The following FRY variants were observed in gnomAD, a reference collection of about 807,000 sequenced individuals.
FRY encodes protein furry homolog.
Under a neutral mutation model 348.4 loss-of-function variants are expected in FRY, and 128 were observed. The ratio of observed to expected loss-of-function variants is 0.37; its 90% CI spans 0.32 to 0.43. The LOEUF (loss-of-function observed/expected upper bound fraction) is 0.43, where lower values mean the gene tolerates loss of function less well. Among genes scored for constraint, FRY ranks in the 20% least tolerant of loss-of-function variants. The pLI is 1.00. For synonymous variants in FRY, 1,370 were observed against 1,374.7 expected (o/e 1.00, Z 0.08); for missense variants, 2,736 against 3,695.2 (o/e 0.74, Z 6.73).
At chr13:32,267,612 A>G (rs1254496253) in intron 55 of FRY, among the ~76,000 whole-genome samples, 1 of 152,170 alleles carries the variant, frequency 6.6e-6, no homozygotes, top group African/African-American at 2.4e-5. Context: ...TGTTACTGAC[A>G]TCACCAGTCC....
intron 11 of FRY, among the ~76,000 whole-genome samples, chr13:32,145,769 C>T (rs1374475475): frequency 6.6e-6 from 1 of 151,688 alleles, no homozygotes; most frequent in Non-Finnish European, 1.5e-5. Flanking sequence ...TGGTCTCGAT[C>T]TCCTGACCTC....
chr13:32,149,547 AC>A (rs1021309187), intron 13 of FRY, among the ~76,000 whole-genome samples, 200 bp from the exon 14 acceptor site: 3 of 152,200 alleles, frequency 2.0e-5, no homozygotes, highest in South Asian at 4.2e-4. Context: ...CTCCTTGCAC[AC>A]CACACAAAAC....
intron 24 of FRY, 137 bp downstream of exon 24, chr13:32,183,171 T>A: frequency 1.7e-6 from 1 of 593,242 alleles, no homozygotes; most frequent in Non-Finnish European, 3.0e-6. Context: ...TTTTAACTTT[T>A]GTTGTTTTTA....
intron 58 of FRY, among the ~76,000 whole-genome samples, chr13:32,284,860 T>A (rs552358897): frequency 1.3e-5 from 2 of 152,212 alleles, no homozygotes; most frequent in Non-Finnish European, 2.9e-5. Flanking sequence ...TACTGACTGG[T>A]TATGTCATAA....
intron 39 of FRY, 152 bp from the exon 40 acceptor site, chr13:32,228,304 C>G (rs1885708692): frequency 2.7e-6 from 2 of 744,830 alleles, no homozygotes; most frequent in Non-Finnish European, 4.9e-6. Context: ...AACTGTCAGT[C>G]TCATTTAATC....
In FRY at chr13:32,208,967, G is replaced by A. The variant is rs1278410663; in HGVS notation, c.4133G>A (p.Gly1378Glu). The A allele has an allele frequency of 1.2e-6, 2 of 1,614,128 alleles. No individual in the cohort carries two copies. Among genetic ancestry groups the A allele is most frequent in the South Asian group, 1.1e-5 (1 of 91,076 alleles). The stretch of plus-strand genomic sequence containing the variant: ...GTGGACAGCAGGCTCCTCCTCCCGG[G>A]GTCGAGCCCCAGCAGCCCAGAGGAC... ...ELVDSRLLLP[G>E]SSPSSPEDEV... The change falls in exon 32 of 61, where the codon GGG becomes GAG. Residue 1378 changes from glycine (G) to glutamate (E), a missense_variant. By Grantham distance (98) the Gly-to-Glu change is moderately conservative. Transcript: ENST00000542859.
chr13:32,226,009 G>A, intron 39 of FRY, 35 bp downstream of exon 39: 3 of 1,592,650 alleles, frequency 1.9e-6, no homozygotes, highest in Non-Finnish European at 2.6e-6. Context: ...GCCTAGGACA[G>A]TTACAAATGC....
At chr13:32,090,603 A>T (rs1327712764) in intron 2 of FRY, among the ~76,000 whole-genome samples, 1 of 152,162 alleles carries the variant, frequency 6.6e-6, no homozygotes, top group Non-Finnish European at 1.5e-5. Context: ...GCACAGTTAG[A>T]GGGGTATATT....
At chr13:32,242,766 C>T (rs1474957749) in intron 46 of FRY, among the ~76,000 whole-genome samples, 3 of 152,138 alleles carry the variant, frequency 2.0e-5, no homozygotes, top group Non-Finnish European at 4.4e-5. Context: ...TACTCCTGAC[C>T]TCAGGTGATC....
intron 1 of FRY, among the ~76,000 whole-genome samples, chr13:32,045,016 T>C (rs557254955): frequency 3.3e-5 from 5 of 152,310 alleles, no homozygotes; most frequent in South Asian, 2.1e-4. Flanking sequence ...GTGACTGTTA[T>C]TTGTACATTA....
At chr13:32,184,818 A>G in intron 25 of FRY, 127 bp downstream of exon 25, 1 of 997,110 alleles carries the variant, frequency 1.0e-6, no homozygotes, top group Non-Finnish European at 1.6e-6. Flanking sequence ...AAAATCCAAA[A>G]ACTCGCTTTT....
chr13:32,254,512 A>C (rs908316416), intron 51 of FRY, 118 bp downstream of exon 51: 10 of 1,060,290 alleles, frequency 9.4e-6, no homozygotes, highest in Non-Finnish European at 1.4e-5. Context: ...GGAAAGTTGT[A>C]AACTTTATTT....
intron 55 of FRY, among the ~76,000 whole-genome samples, chr13:32,271,128 G>A (rs1385892595): frequency 6.6e-6 from 1 of 152,170 alleles, no homozygotes; most frequent in Admixed American, 6.5e-5. Flanking sequence ...CAACCCACCA[G>A]TTGAGATGCT....
rs1337089064 is a variant in FRY at position 32,034,582 on chromosome 13, C to A, written c.70+2717C>A. Among the ~76,000 whole-genome samples the A allele has an allele frequency of 3.3e-5, 5 of 152,188 alleles. No individual in the cohort carries two copies. The East Asian group carries it at 9.6e-4, about 29-fold the overall frequency. ...GTTGCTCTTCCCTGCTCTTATCCAGCCTTTCCCCAGCTGTCTAGTGGTTCT... is the reference window on the plus strand; with the variant it reads ...GTTGCTCTTCCCTGCTCTTATCCAGACTTTCCCCAGCTGTCTAGTGGTTCT... On this transcript the variant is annotated intron_variant, in intron 1 of 60. Coordinates refer to ENST00000542859, the MANE Select transcript of FRY (RefSeq NM_023037.3).
chr13:32,210,474 A>G (rs1048730960), intron 33 of FRY, among the ~76,000 whole-genome samples: 1 of 152,170 alleles, frequency 6.6e-6, no homozygotes, highest in African/African-American at 2.4e-5. Context: ...TCTTGGGGAG[A>G]AGAGAATAGC....
At chr13:32,178,630 A>T (rs562309576) in intron 21 of FRY, among the ~76,000 whole-genome samples, 194 bp downstream of exon 21, 1 of 152,172 alleles carries the variant, frequency 6.6e-6, no homozygotes, top group Admixed American at 6.5e-5. Context: ...AATCAGTATG[A>T]TTGTCTAAGT....
intron 31 of FRY, among the ~76,000 whole-genome samples, chr13:32,204,293 C>T (rs1402179878): frequency 6.6e-6 from 1 of 151,052 alleles, no homozygotes; most frequent in African/African-American, 2.4e-5. Context: ...TCACAACTAC[C>T]ACCACCACCA....
chr13:32,161,534 G>T (rs933432459), intron 17 of FRY, among the ~76,000 whole-genome samples: 1 of 152,220 alleles, frequency 6.6e-6, no homozygotes, highest in Admixed American at 6.5e-5. Context: ...GTGGGTAAGA[G>T]ATTACTATGG....
chr13:32,068,424 T>C (rs552325443), intron 1 of FRY, among the ~76,000 whole-genome samples: 1 of 152,340 alleles, frequency 6.6e-6, no homozygotes, highest in African/African-American at 2.4e-5. Flanking sequence ...CCTTGAAATG[T>C]CAATGTAACC....
Sources: gnomAD v4.1 joint callset for allele counts (sites outside exome capture counted in the v4.1 genomes callset) on GRCh38, gnomAD v4.1.1 for gene constraint, MANE v1.5 for transcripts, NCBI Gene and HGNC (gene_info 2026-07-23, HGNC 2026-07-21) for gene names.